Variants in KMT5B observed in about 807,000 individuals in gnomAD.
KMT5B encodes the protein histone-lysine N-methyltransferase KMT5B.
KMT5B carries 10 observed loss-of-function variants against 83.2 expected under a neutral mutation model. The ratio of observed to expected loss-of-function variants is 0.12; its 90% confidence interval spans 0.07 to 0.20. The LOEUF (loss-of-function observed/expected upper bound fraction) is 0.20, where lower values mean the gene tolerates loss of function less well. KMT5B is among the 10% of genes least tolerant of loss of function. The pLI is 1.00. For missense variants in KMT5B, 753 were observed against 1,067.2 expected (o/e 0.71, Z 4.10); for synonymous variants, 349 against 388.8 (o/e 0.90, Z 1.20).
intron 3 of KMT5B, among the ~76,000 whole-genome samples, chr11:68,183,835 T>G (rs1364506104): frequency 6.6e-6 from 1 of 150,410 alleles, no homozygotes; most frequent in Non-Finnish European, 1.5e-5. Flanking sequence ...AATTTTTGTA[T>G]TTTTAGTAGA....
In KMT5B at chr11:68,181,645, T is replaced by C. The variant is rs564701663; in HGVS notation, c.309-1445A>G. On this transcript the variant is annotated intron_variant, in intron 3 of 10. Coordinates refer to ENST00000304363, the MANE Select transcript of KMT5B (RefSeq NM_017635.5). ...AGTATTTATTGGCTATTTACTACCT[T>C]AATTAAGCATTATCAGTTTTCCTTA... Among the ~76,000 whole-genome samples, 21 of 152,364 alleles carry C rather than the reference T, an allele frequency of 1.4e-4. No homozygotes were observed. The South Asian group carries it at 4.1e-3, about 30-fold the overall frequency.
chr11:68,195,077 T>C (rs1858547662), intron 1 of KMT5B, among the ~76,000 whole-genome samples: 1 of 152,042 alleles, frequency 6.6e-6, no homozygotes, highest in Non-Finnish European at 1.5e-5. Context: ...CTCAGGAGGC[T>C]GAAGTGGGAG....
At chr11:68,170,460 A>G (rs998431955) in intron 9 of KMT5B, among the ~76,000 whole-genome samples, 8 of 152,158 alleles carry the variant, frequency 5.3e-5, no homozygotes, top group African/African-American at 1.9e-4. Context: ...TCTCACACAC[A>G]GAAGTCACTA....
intron 1 of KMT5B, among the ~76,000 whole-genome samples, chr11:68,202,885 G>T (rs1859631767): frequency 6.6e-6 from 1 of 151,910 alleles, no homozygotes; most frequent in Non-Finnish European, 1.5e-5. Context: ...TGCTGTGAAC[G>T]TGGGTGTACA....
In KMT5B at chr11:68,175,152, G is replaced by A. The variant is rs1856230315; in HGVS notation, c.409C>T (p.Leu137=). The change falls in exon 5 of 11, where the codon CTA becomes TTA. Residue 137 remains leucine, a synonymous_variant. Transcript: ENST00000304363. The part of the protein sequence containing the change: ...FRPIKGRQEE[L]KEVIERFKKD... ...TTAAAACGTTCAATTACTTCCTTTA[G>A]TTCTTCCTGCCTTCCTTTAATAGGC... is the stretch of plus-strand genomic sequence containing the variant. 1.2e-6 allele frequency: 2 copies of A among 1,613,512 alleles called. No homozygotes were observed. The highest frequency in any genetic ancestry group is 1.7e-6 in the Non-Finnish European group (2 of 1,179,710).
chr11:68,209,486 C>T (rs796215133), intron 1 of KMT5B, among the ~76,000 whole-genome samples: 33 of 152,266 alleles, frequency 2.2e-4, no homozygotes, highest in African/African-American at 7.0e-4. Context: ...GGGCCTTTTG[C>T]GTAAGGCCTG....
chr11:68,169,352 T>C (rs750056870), intron 9 of KMT5B, among the ~76,000 whole-genome samples: 1 of 152,246 alleles, frequency 6.6e-6, no homozygotes, highest in African/African-American at 2.4e-5. Flanking sequence ...AACTTCATTA[T>C]ATATATTTAC....
rs753448793 is a variant in KMT5B at position 68,158,252 on chromosome 11, C to T, written c.2094G>A (p.Arg698=). 6.2e-6 allele frequency: 10 copies of T among 1,614,022 alleles called. No homozygotes were observed. The highest frequency in any genetic ancestry group is 4.4e-5 in the South Asian group (4 of 91,078). The part of the protein sequence containing the change: ...SFRTAKSKKK[R]RITRYDAQLI... ...ACTGTGCATCATACCTTGTGATTCG[C>T]CTCTTCTTTTTACTTTTTGCAGTTC... Residue 698 remains arginine, a synonymous_variant, in exon 11 of 11, where the codon AGG becomes AGA. Coordinates refer to ENST00000304363, the MANE Select transcript of KMT5B (RefSeq NM_017635.5).
At chr11:68,184,650 G>A (rs761116945) in intron 3 of KMT5B, among the ~76,000 whole-genome samples, 24 of 152,266 alleles carry the variant, frequency 1.6e-4, no homozygotes, top group Non-Finnish European at 2.8e-4. Flanking sequence ...ACCCCAGTCC[G>A]GGTGTGATGG....
In KMT5B at chr11:68,195,565, C is replaced by T. The variant is rs116683733; in HGVS notation, c.-76-5413G>A. On this transcript the variant is annotated intron_variant, in intron 1 of 10. Coordinates refer to ENST00000304363, the MANE Select transcript of KMT5B (RefSeq NM_017635.5). ...GAAAGCACCTACCATGTCCAGGGCA[C>T]ATACATGGTAACAAGATTATGTTAT... Among the ~76,000 whole-genome samples the T allele has an allele frequency of 5.2e-3, 799 of 152,320 alleles. 4 individuals carry two copies. The highest frequency in any genetic ancestry group is 0.019 in the African/African-American group (773 of 41,570).
rs1005314011 is a variant in KMT5B, at chr11:68,209,196, C to T, written c.-77+3942G>A. Among the ~76,000 whole-genome samples, 20 of 152,110 alleles carry T rather than the reference C, an allele frequency of 1.3e-4. 1 individual carries two copies. Among genetic ancestry groups the T allele is most frequent in the African/African-American group, 4.6e-4 (19 of 41,404 alleles). On this transcript the variant is annotated intron_variant, in intron 1 of 10. Transcript: ENST00000304363. The stretch of plus-strand genomic sequence containing the variant: ...ATTAAAATGTATCATACATTTCAAC[C>T]GTGTTATACAAATCAGACAGGCAAA...
chr11:68,182,724 C>T (rs894508176), intron 3 of KMT5B, among the ~76,000 whole-genome samples: 8 of 151,196 alleles, frequency 5.3e-5, no homozygotes, highest in African/African-American at 1.7e-4. Flanking sequence ...GCCACTAAAA[C>T]TTTCATTGTA....
At chr11:68,164,763 A>C (rs1358630960) in intron 10 of KMT5B, 5 of 467,772 alleles carry the variant, frequency 1.1e-5, no homozygotes, top group Non-Finnish European at 2.1e-5. Context: ...TAATGCTGAG[A>C]CTTCAGCTTA....
intron 3 of KMT5B, among the ~76,000 whole-genome samples, chr11:68,180,937 G>A (rs996652919): frequency 2.0e-5 from 3 of 152,036 alleles, no homozygotes; most frequent in African/African-American, 4.8e-5. Flanking sequence ...CATTTTGTTC[G>A]TACTATTTCT....
At chr11:68,169,908 TA>T (rs1465179221) in intron 9 of KMT5B, among the ~76,000 whole-genome samples, 40 of 151,052 alleles carry the variant, frequency 2.6e-4, no homozygotes, top group African/African-American at 9.2e-4. Context: ...TCTGCCCTGG[TA>T]AAAATTCAGC....
At chr11:68,211,472 G>A (rs1253894768) in intron 1 of KMT5B, among the ~76,000 whole-genome samples, 1 of 152,156 alleles carries the variant, frequency 6.6e-6, no homozygotes, top group African/African-American at 2.4e-5. Flanking sequence ...ATATAATTAT[G>A]TTTGTAAACA....
intron 10 of KMT5B, among the ~76,000 whole-genome samples, chr11:68,165,512 A>C (rs967926896): frequency 2.6e-5 from 4 of 152,040 alleles, no homozygotes; most frequent in Middle Eastern, 3.2e-3. Flanking sequence ...CAAAAGAAAA[A>C]AAAAAAAAGA....
chr11:68,156,244 TAA>T lies in KMT5B; in HGVS notation c.*1442_*1443del, dbSNP rs1195614164. 3.3e-5 allele frequency: 5 copies of T among 152,408 alleles called. No individual in the cohort carries two copies. Among genetic ancestry groups the T allele is most frequent in the African/African-American group, 7.2e-5 (3 of 41,438 alleles). The allele number at this position is 152,408 out of a possible 1,614,324, so 9.4% of individuals were successfully genotyped here. Reference sequence around the variant, plus strand: ...AGTACAGGTACACATTTCCCAGAAATAAAGAGACCTACTGGTGTCAAACACCT... The same window carrying T: ...AGTACAGGTACACATTTCCCAGAAATAGAGACCTACTGGTGTCAAACACCT... On this transcript the variant is annotated 3_prime_UTR_variant, in exon 11 of 11. Coordinates refer to ENST00000304363, the MANE Select transcript of KMT5B (RefSeq NM_017635.5).
intron 10 of KMT5B, chr11:68,165,718 G>A (rs867193367): frequency 8.7e-6 from 12 of 1,377,556 alleles, no homozygotes; most frequent in Non-Finnish European, 1.0e-5. Flanking sequence ...GAAAACAAAT[G>A]GTCGTTATGC....
Sources: allele counts gnomAD v4.1 joint callset (sites outside exome capture counted in the v4.1 genomes callset), GRCh38; gene constraint gnomAD v4.1.1; transcripts MANE v1.5; gene names NCBI Gene and HGNC (gene_info 2026-07-23, HGNC 2026-07-21).